Variants in OSBPL8 observed in about 807,000 individuals in gnomAD.
OSBPL8 encodes oxysterol binding protein like 8.
Under a neutral mutation model 125.5 loss-of-function variants are expected in OSBPL8, and 59 were observed. The observed-to-expected ratio is 0.47, with a 90% CI of 0.38 to 0.58. The LOEUF (loss-of-function observed/expected upper bound fraction) is 0.58, where lower values mean the gene tolerates loss of function less well. OSBPL8 is among the 20% of genes least tolerant of loss of function. OSBPL8 has a pLI of 0.00. For missense variants in OSBPL8, 758 were observed against 1,047.8 expected (o/e 0.72, Z 3.82); for synonymous variants, 330 against 338.9 (o/e 0.97, Z 0.29).
intron 4 of OSBPL8, among the ~76,000 whole-genome samples, chr12:76,428,905 G>C (rs1870482729): frequency 6.6e-6 from 1 of 152,110 alleles, no homozygotes; most frequent in African/African-American, 2.4e-5. Flanking sequence ...GATAAATCAA[G>C]ATGGGAGATA....
intron 1 of OSBPL8, among the ~76,000 whole-genome samples, chr12:76,509,843 C>T (rs1258280363): frequency 1.3e-5 from 2 of 151,998 alleles, no homozygotes; most frequent in African/African-American, 4.8e-5. Flanking sequence ...CTAATAATAT[C>T]AACTATCAGA....
intron 12 of OSBPL8, among the ~76,000 whole-genome samples, chr12:76,387,319 T>C (rs1953355918): frequency 6.6e-6 from 1 of 152,308 alleles, no homozygotes; most frequent in South Asian, 2.1e-4. Flanking sequence ...ATTACAAATA[T>C]GATGCAGAGC....
intron 9 of OSBPL8, 80 bp from the exon 10 acceptor site, chr12:76,392,832 CTATT>C: frequency 7.3e-7 from 1 of 1,377,762 alleles, no homozygotes; most frequent in Non-Finnish European, 9.8e-7. Flanking sequence ...CCTGTTACCA[CTATT>C]TCTTTGAGAA....
In OSBPL8 at chr12:76,395,800, T is replaced by A. The variant is rs11111518; in HGVS notation, c.673-1071A>T. The stretch of plus-strand genomic sequence containing the variant: ...AGAACTCATAGCTGTTACTATTTCT[T>A]AATCACAAACACTGGCTTCTAAAAT... On this transcript the variant is annotated intron_variant, in intron 8 of 23. Transcript: ENST00000261183. Among the ~76,000 whole-genome samples the A allele has an allele frequency of 5.3e-3, 811 of 152,254 alleles. 4 individuals are homozygous for A. Among genetic ancestry groups the A allele is most frequent in the Non-Finnish European group, 8.3e-3 (561 of 67,994 alleles).
At chr12:76,497,890 A>C (rs1420695382) in intron 1 of OSBPL8, among the ~76,000 whole-genome samples, 1 of 152,242 alleles carries the variant, frequency 6.6e-6, no homozygotes, top group Admixed American at 6.5e-5. Flanking sequence ...TATATCAAAA[A>C]TATTAACTAA....
rs146779346 is a variant in OSBPL8 at position 76,369,837 on chromosome 12, A to G, written c.2055-15T>C. 1,563 of 1,590,920 alleles carry G rather than the reference A, an allele frequency of 9.8e-4. 18 individuals are homozygous for G. The African/African-American group carries it at 0.019, about 19-fold the overall frequency. ...GTTGCCAGAGTCTAATACATGTGCG[A>G]AAATATTAAAAGTATTAAAAATGTA... On this transcript the variant is annotated splice_polypyrimidine_tract_variant and intron_variant, in intron 19 of 23. Transcript: ENST00000261183.
At chr12:76,463,825 A>G (rs759812305) in intron 2 of OSBPL8, among the ~76,000 whole-genome samples, 3 of 152,222 alleles carry the variant, frequency 2.0e-5, no homozygotes, top group Non-Finnish European at 4.4e-5. Context: ...ATTGAGGATT[A>G]CATATCAAAT....
intron 2 of OSBPL8, among the ~76,000 whole-genome samples, chr12:76,471,630 G>A (rs1420235646): frequency 6.6e-6 from 1 of 152,158 alleles, no homozygotes; most frequent in African/African-American, 2.4e-5. Flanking sequence ...CAACATGGTT[G>A]AGTCACTTCA....
At chr12:76,400,889 C>T (rs563929381) in intron 6 of OSBPL8, among the ~76,000 whole-genome samples, 4 of 150,692 alleles carry the variant, frequency 2.7e-5, no homozygotes, top group East Asian at 2.0e-4. Context: ...CCTGGGTCAA[C>T]GCAATTCTTG....
intron 1 of OSBPL8, among the ~76,000 whole-genome samples, chr12:76,545,302 G>A (rs1292721350): frequency 2.0e-5 from 3 of 151,976 alleles, no homozygotes; most frequent in Non-Finnish European, 4.4e-5. Context: ...TGTAAATTTT[G>A]ACCATTTTCT....
intron 9 of OSBPL8, 122 bp downstream of exon 9, chr12:76,394,523 T>A: frequency 1.4e-6 from 1 of 696,400 alleles, no homozygotes; most frequent in Non-Finnish European, 2.4e-6. Context: ...CAATTTATGA[T>A]TACCATGCTT....
chr12:76,372,628 T>C (rs938488178), intron 18 of OSBPL8, among the ~76,000 whole-genome samples: 2 of 152,174 alleles, frequency 1.3e-5, no homozygotes, highest in South Asian at 2.1e-4. Context: ...TTTCTCAACA[T>C]TTTCTGCTTA....
chr12:76,412,864 C>T (rs372907468), intron 4 of OSBPL8, among the ~76,000 whole-genome samples: 19 of 152,216 alleles, frequency 1.2e-4, no homozygotes, highest in African/African-American at 3.9e-4. Flanking sequence ...CCTCTCAAGA[C>T]GCAAGGCCAC....
intron 2 of OSBPL8, among the ~76,000 whole-genome samples, chr12:76,465,977 G>T (rs1361776211): frequency 6.6e-6 from 1 of 151,850 alleles, no homozygotes; most frequent in Non-Finnish European, 1.5e-5. Flanking sequence ...CTGCACTACT[G>T]GGCAAAAGAG....
intron 1 of OSBPL8, among the ~76,000 whole-genome samples, chr12:76,505,148 CT>C: frequency 6.6e-6 from 1 of 152,310 alleles, no homozygotes; most frequent in Middle Eastern, 3.4e-3. Context: ...AATTCTTTCT[CT>C]TTTGCAATTT....
intron 2 of OSBPL8, chr12:76,486,038 C>A (rs1878093037): frequency 2.3e-6 from 1 of 435,000 alleles, no homozygotes; most frequent in Admixed American, 2.5e-5. Context: ...AACTTACCAT[C>A]CGTTTTTCAT....
At chr12:76,407,848 AAACTG>A (rs948878527) in intron 5 of OSBPL8, among the ~76,000 whole-genome samples, 11 of 152,216 alleles carry the variant, frequency 7.2e-5, no homozygotes, top group Admixed American at 6.5e-4. Flanking sequence ...ACAAAAAAGA[AAACTG>A]AAGCCACTGT....
intron 1 of OSBPL8, among the ~76,000 whole-genome samples, chr12:76,505,864 T>C (rs1486038389): frequency 6.6e-6 from 1 of 152,192 alleles, no homozygotes. Context: ...AGAAGGACTT[T>C]AATTTTTTTA....
At position 76,353,603 on chromosome 12, in the gene OSBPL8, A is replaced by C. The variant is rs1017796597; in HGVS notation, c.*2286T>G. ...TTACATATATGGCTACAAAGTTAGT[A>C]ATTATGTGTTATAAAGATTCATATA... On this transcript the variant is annotated 3_prime_UTR_variant, in exon 24 of 24. Transcript: ENST00000261183. 2 of 152,536 alleles carry C rather than the reference A, an allele frequency of 1.3e-5. No individual in the cohort carries two copies. Among genetic ancestry groups the C allele is most frequent in the Middle Eastern group, 3.4e-3 (1 of 294 alleles). 9.4% of individuals were successfully genotyped at this position (152,536 alleles called of 1,614,324 possible). A position where few individuals can be genotyped will look rare whatever the true frequency, so the allele number is the denominator to read the frequency against.
Sources: gnomAD v4.1 joint callset for allele counts (sites outside exome capture counted in the v4.1 genomes callset) on GRCh38, gnomAD v4.1.1 for gene constraint, MANE v1.5 for transcripts, NCBI Gene and HGNC (gene_info 2026-07-23, HGNC 2026-07-21) for gene names.